C9: variants seen among roughly 807,000 people sequenced by gnomAD.
C9 encodes the protein complement C9.
C9 carries 63 observed loss-of-function variants against 65.4 expected under a neutral mutation model. The ratio of observed to expected loss-of-function variants is 0.96; its 90% confidence interval spans 0.79 to 1.19. The LOEUF (loss-of-function observed/expected upper bound fraction) is 1.19, where lower values mean the gene tolerates loss of function less well. C9 is among the 50% of genes most tolerant of loss of function. The pLI is 0.00. For synonymous variants in C9, 229 were observed against 227.9 expected (o/e 1.00, Z -0.04); for missense variants, 744 against 670.1 (o/e 1.11, Z -1.22).
intron 9 of C9, among the ~76,000 whole-genome samples, chr5:39,297,563 T>G (rs896078021): frequency 1.3e-5 from 2 of 151,598 alleles, no homozygotes; most frequent in African/African-American, 4.8e-5. Context: ...CCATACAACA[T>G]TAATTAAATG....
chr5:39,364,295 T>C, intron 1 of C9, 93 bp downstream of exon 1: 1 of 761,158 alleles, frequency 1.3e-6, no homozygotes, highest in Non-Finnish European at 2.4e-6. Flanking sequence ...GCCATGTGGA[T>C]TAACATTGTC....
At chr5:39,364,093 A>G (rs1459977386) in intron 1 of C9, among the ~76,000 whole-genome samples, 1 of 152,238 alleles carries the variant, frequency 6.6e-6, no homozygotes, top group Non-Finnish European at 1.5e-5. Context: ...CAGGTTCATC[A>G]TACACTGGTG....
Position 39,306,162 on chromosome 5 carries a change from C to CAA in C9, c.1416+453_1416+454dup, listed in dbSNP as rs541310785. Among the ~76,000 whole-genome samples, 205 of 101,886 alleles carry CAA rather than the reference C, an allele frequency of 2.0e-3. 6 individuals are homozygous for CAA. The highest frequency in any genetic ancestry group is 7.3e-3 in the African/African-American group (177 of 24,388). 66.8% of individuals were successfully genotyped at this position (101,886 alleles called of 152,430 possible). A position where few individuals can be genotyped will look rare whatever the true frequency, so the allele number is the denominator to read the frequency against. On this transcript the variant is annotated intron_variant, in intron 9 of 10. Coordinates refer to ENST00000263408, the MANE Select transcript of C9 (RefSeq NM_001737.5). ...TGGGTGACACAGTGAGACTCTGTCT[C>CAA]AAAAAAAAAAAAAAAAAAAAAGACA...
chr5:39,341,182 A>G lies in C9; in HGVS notation c.440T>C (p.Val147Ala), dbSNP rs1395838212. Residue 147 changes from valine to alanine, a missense_variant, in exon 4 of 11, where the codon GTA (valine) becomes GCA (alanine). Val to Ala is a moderately conservative substitution (Grantham distance 64). Coordinates refer to ENST00000263408, the MANE Select transcript of C9 (RefSeq NM_001737.5). ...TGTTCGTGCCAGCTCAGACTCTTCT[A>G]CCACTCTGTCTCTGCAGGGGGGACG... The part of the protein sequence containing the change: ...EPRPPCRDRV[V>A]EESELARTAG... The G allele has an allele frequency of 3.7e-6, 6 of 1,614,088 alleles. No individual in the cohort carries two copies. In the East Asian group the frequency reaches 6.7e-5, roughly 18 times the overall value.
chr5:39,301,409 G>T (rs749499404), intron 9 of C9, among the ~76,000 whole-genome samples: 15 of 152,014 alleles, frequency 9.9e-5, no homozygotes, highest in African/African-American at 3.6e-4. Context: ...AAAAAAAAAG[G>T]TTAAGGGAAA....
chr5:39,341,288 A>G lies in C9; in HGVS notation c.334T>C (p.Cys112Arg). The change falls in exon 4 of 11, where the codon TGC becomes CGC. Residue 112 changes from cysteine to arginine, a missense_variant. Physicochemically the swap from Cys to Arg is radical, Grantham distance 180 (BLOSUM62 -3). Transcript: ENST00000263408. The part of the protein sequence containing the change: ...GNDFQCSTGR[C>R]IKMRLRCNGD... Reference sequence around the variant, plus strand: ...TTACACCGAAGTCGCATCTTTATGCATCTGCCTGCAATCAAAATCAGGAGA... The same window carrying G: ...TTACACCGAAGTCGCATCTTTATGCGTCTGCCTGCAATCAAAATCAGGAGA... The G allele has an allele frequency of 6.2e-7, 1 of 1,614,122 alleles. No homozygotes were observed. The highest frequency in any genetic ancestry group is 8.5e-7 in the Non-Finnish European group (1 of 1,179,952).
rs573157508 is a variant in C9, at chr5:39,334,625, G to T, written c.477-2811C>A. 2.6e-3 allele frequency among the ~76,000 whole-genome samples: 398 copies of T among 150,552 alleles called. 6 individuals are homozygous for T. The highest frequency in any genetic ancestry group is 9.5e-3 in the African/African-American group (383 of 40,362). ...CGTCTGGGAGGTGAGGGGCGCCTCT[G>T]CCTGGCCACCCCTACTGGGAAGTGA... On this transcript the variant is annotated intron_variant, in intron 4 of 10. Transcript: ENST00000263408.
chr5:39,360,261 C>T (rs190612727), intron 1 of C9, among the ~76,000 whole-genome samples: 10 of 151,534 alleles, frequency 6.6e-5, no homozygotes, highest in African/African-American at 1.2e-4. Context: ...ATATCTACTA[C>T]TATTATTATT....
chr5:39,306,795 G>A lies in C9; in HGVS notation c.1241-3C>T, dbSNP rs1290634287. The A allele has an allele frequency of 1.3e-5, 21 of 1,603,436 alleles. No individual in the cohort carries two copies. Among genetic ancestry groups the A allele is most frequent in the African/African-American group, 4.0e-5 (3 of 74,642 alleles). Reference sequence around the variant, plus strand: ...GAGGTTTTCACTGGTGATGTTTACTGAGGAGAGAAGGAAGATTTAAAGAGA... The same window carrying A: ...GAGGTTTTCACTGGTGATGTTTACTAAGGAGAGAAGGAAGATTTAAAGAGA... On this transcript the variant is annotated splice_polypyrimidine_tract_variant and splice_region_variant and intron_variant, in intron 8 of 10. Coordinates refer to ENST00000263408, the MANE Select transcript of C9 (RefSeq NM_001737.5).
chr5:39,333,750 TG>T (rs1753893512), intron 4 of C9, among the ~76,000 whole-genome samples: 1 of 151,906 alleles, frequency 6.6e-6, no homozygotes, highest in African/African-American at 2.4e-5. Flanking sequence ...TGCCTGCGAT[TG>T]CAGGCGCGCA....
chr5:39,323,917 C>A (rs1053821349), intron 5 of C9, among the ~76,000 whole-genome samples: 4 of 151,918 alleles, frequency 2.6e-5, no homozygotes, highest in Non-Finnish European at 4.4e-5. Flanking sequence ...AAAGACACCA[C>A]CCAAAAAACA....
At chr5:39,297,328 A>G (rs1485468373) in intron 9 of C9, among the ~76,000 whole-genome samples, 2 of 151,656 alleles carry the variant, frequency 1.3e-5, no homozygotes, top group African/African-American at 4.8e-5. Flanking sequence ...AGCAAAAAGG[A>G]GACAAAGAAT....
intron 1 of C9, among the ~76,000 whole-genome samples, chr5:39,352,048 G>T (rs574969809): frequency 6.6e-6 from 1 of 152,268 alleles, no homozygotes; most frequent in South Asian, 2.1e-4. Context: ...GCATGGCTGG[G>T]GAGGCCTCAG....
chr5:39,333,974 C>A (rs1753901191), intron 4 of C9, among the ~76,000 whole-genome samples: 2 of 152,198 alleles, frequency 1.3e-5, no homozygotes, highest in Non-Finnish European at 2.9e-5. Context: ...GCCTCCACCT[C>A]CCAGCCGCCT....
chr5:39,363,200 C>G (rs1754552573), intron 1 of C9, among the ~76,000 whole-genome samples: 1 of 152,104 alleles, frequency 6.6e-6, no homozygotes, highest in Admixed American at 6.5e-5. Flanking sequence ...GCCCACTAAA[C>G]AAAAATATTT....
intron 5 of C9, among the ~76,000 whole-genome samples, chr5:39,324,924 T>C (rs933780211): frequency 6.6e-6 from 1 of 152,142 alleles, no homozygotes; most frequent in Admixed American, 6.6e-5. Context: ...GCCAGACATA[T>C]TATAAGGGTC....
chr5:39,292,892 C>T (rs937291869), intron 9 of C9, among the ~76,000 whole-genome samples: 1 of 97,464 alleles, frequency 1.0e-5, no homozygotes, highest in African/African-American at 3.0e-5. Flanking sequence ...TTAAAAGAGA[C>T]ATGAGTAATA....
chr5:39,354,419 A>G (rs1754379208), intron 1 of C9, among the ~76,000 whole-genome samples: 1 of 152,228 alleles, frequency 6.6e-6, no homozygotes, highest in South Asian at 2.1e-4. Flanking sequence ...GGCTCTAGGC[A>G]TCAATGTTTT....
rs760640528 is a variant in C9 at position 39,333,659 on chromosome 5, C to G, written c.477-1845G>C. On this transcript the variant is annotated intron_variant, in intron 4 of 10. Coordinates refer to ENST00000263408, the MANE Select transcript of C9 (RefSeq NM_001737.5). Reference sequence around the variant, plus strand: ...TCTTTCCACGGTCTCCCTCTCATGCCGAGCGGCAGCTGGACTGTACTGCCG... The same window carrying G: ...TCTTTCCACGGTCTCCCTCTCATGCGGAGCGGCAGCTGGACTGTACTGCCG... Among the ~76,000 whole-genome samples the G allele has an allele frequency of 2.5e-4, 38 of 152,094 alleles. No homozygotes were observed. The South Asian group carries it at 3.1e-3, about 13-fold the overall frequency.
Sources: gnomAD v4.1 joint callset for allele counts (sites outside exome capture counted in the v4.1 genomes callset) on GRCh38, gnomAD v4.1.1 for gene constraint, MANE v1.5 for transcripts, NCBI Gene and HGNC (gene_info 2026-07-23, HGNC 2026-07-21) for gene names.